The following FBXO10 variants were observed in gnomAD, a reference collection of about 807,000 sequenced individuals.
FBXO10 encodes F-box only protein 10.
A neutral mutation model predicts 80.7 loss-of-function variants in FBXO10; 39 were observed. That is an observed-to-expected ratio of 0.48 (90% CI 0.37 to 0.63). The LOEUF (loss-of-function observed/expected upper bound fraction) is 0.63. Ranked by LOEUF, FBXO10 falls within the 30% of genes least tolerant of loss-of-function variation. FBXO10 has a pLI of 0.00. For missense variants in FBXO10, 1,025 were observed against 1,269.0 expected, an observed-to-expected ratio of 0.81 and a Z score of 2.92; for synonymous variants, 449 against 489.6, an observed-to-expected ratio of 0.92 and a Z score of 1.09.
At chr9:37,566,711 T>C (rs910134597) in intron 1 of FBXO10, among the ~76,000 whole-genome samples, 3 of 152,178 alleles carry the variant, frequency 2.0e-5, no homozygotes, top group East Asian at 3.8e-4. Flanking sequence ...TAAAATATTA[T>C]AACCCCAAAG....
chr9:37,537,414 T>C lies in FBXO10; in HGVS notation c.1115A>G (p.Tyr372Cys). ...GEDEDEDQLMYRLSYQVQGPR... is the reference protein window; with the variant it reads ...GEDEDEDQLMCRLSYQVQGPR... ...GCCCTGCACTTGGTAGGATAGTCTG[T>C]ACATCAGCTGGTCCTCATCTTCATC... The change falls in exon 3 of 11, where the codon TAC (tyrosine) becomes TGC (cysteine). Residue 372 changes from tyrosine (Y) to cysteine (C), a missense_variant. Around this residue, in one of 3 missense-constraint regions of FBXO10, gnomAD observed 450 missense variants for 499.4 expected, o/e 0.90. Transcript: ENST00000432825. The C allele has an allele frequency of 1.3e-6, 2 of 1,599,352 alleles. No individual in the cohort carries two copies. The highest frequency in any genetic ancestry group is 1.7e-6 in the Non-Finnish European group (2 of 1,172,628).
chr9:37,530,698 GCCATAGTTATGGCAGCCATGACCTCC>G (rs1821598368), intron 4 of FBXO10, among the ~76,000 whole-genome samples: 1 of 152,010 alleles, frequency 6.6e-6, no homozygotes, highest in Non-Finnish European at 1.5e-5. Context: ...TCATGACCAT[GCCATAGTTATGGCAGCCATGACCTCC>G]CAGACTCAAG....
In FBXO10 at chr9:37,511,707, C is replaced by G. The variant is rs1172046456; in HGVS notation, c.*840G>C. ...ACAGAGTGGGGAGGCTTGGGAGGGT[C>G]AGTAAAGACCAGCGCTCATCCATGA... is the stretch of plus-strand genomic sequence containing the variant. On this transcript the variant is annotated 3_prime_UTR_variant, in exon 11 of 11. Transcript: ENST00000432825. 6.6e-6 allele frequency: 1 copy of G among 152,668 alleles called. No homozygotes were observed. The highest frequency in any genetic ancestry group is 2.4e-5 in the African/African-American group (1 of 41,390). 9.5% of individuals were successfully genotyped at this position (152,668 alleles called of 1,614,324 possible).
chr9:37,528,855 C>A (rs62534398), intron 5 of FBXO10, among the ~76,000 whole-genome samples: 2,234 of 152,330 alleles, frequency 0.015, 71 homozygotes, highest in Admixed American at 0.084. Flanking sequence ...TACTTCTGTG[C>A]CCATTTCTCC....
intron 1 of FBXO10, among the ~76,000 whole-genome samples, chr9:37,566,879 T>G (rs1341900247): frequency 6.6e-6 from 1 of 152,172 alleles, no homozygotes; most frequent in Non-Finnish European, 1.5e-5. Flanking sequence ...GCTTTGAAAT[T>G]TGATGACATA....
At chr9:37,564,479 G>A (rs2119185419) in intron 1 of FBXO10, among the ~76,000 whole-genome samples, 1 of 152,240 alleles carries the variant, frequency 6.6e-6, no homozygotes, top group African/African-American at 2.4e-5. Context: ...GCCTGGAAAA[G>A]CTGCAGACAC....
intron 9 of FBXO10, among the ~76,000 whole-genome samples, chr9:37,516,658 A>C (rs1821184479): frequency 2.0e-5 from 3 of 152,178 alleles, no homozygotes; most frequent in African/African-American, 7.2e-5. Flanking sequence ...CCATCAGCCA[A>C]AGAGTGGATA....
rs1470673830 is a variant in FBXO10, at chr9:37,541,577, T to C, written c.192A>G (p.Pro64=). The C allele has an allele frequency of 6.2e-7, 1 of 1,613,820 alleles. No individual in the cohort carries two copies. Among genetic ancestry groups the C allele is most frequent in the South Asian group, 1.1e-5 (1 of 91,036 alleles). The change falls in exon 2 of 11, where the codon CCA becomes CCG. Residue 64 remains proline (P), a synonymous_variant. Coordinates refer to ENST00000432825, the MANE Select transcript of FBXO10 (RefSeq NM_012166.3). ...ECRHPNWPNQ[P]DVEPESWREA... is the part of the protein sequence containing the mutation. ...CTCTCCAAGACTCAGGCTCCACATC[T>C]GGCTGGTTGGGCCAATTGGGATGGC...
chr9:37,512,560 C>G lies in FBXO10; in HGVS notation c.2858G>C (p.Cys953Ser). The G allele has an allele frequency of 6.2e-7, 1 of 1,613,652 alleles. No homozygotes were observed. Among genetic ancestry groups the G allele is most frequent in the Non-Finnish European group, 8.5e-7 (1 of 1,179,688 alleles). The change falls in exon 11 of 11, where the codon TGC (cysteine) becomes TCC (serine). Residue 953 changes from cysteine to serine, a missense_variant. Coordinates refer to ENST00000432825, the MANE Select transcript of FBXO10 (RefSeq NM_012166.3). ...AGGTCTGTGTCCTCACAGGATGGTG[C>G]AGAAGACACTGCGGTTGCTGTGGTA... ...GGYHSNRSVFCTIL is the reference protein window; with the variant it reads ...GGYHSNRSVFSTIL
At chr9:37,529,290 C>G (rs1821556930) in intron 4 of FBXO10, 30 bp from the exon 5 acceptor site, 2 of 1,584,552 alleles carry the variant, frequency 1.3e-6, no homozygotes, top group Non-Finnish European at 1.7e-6. Context: ...ACCACAGAAG[C>G]CAGATCAGAC....
chr9:37,575,360 A>G (rs1822867096), intron 1 of FBXO10, among the ~76,000 whole-genome samples: 1 of 152,192 alleles, frequency 6.6e-6, no homozygotes, highest in African/African-American at 2.4e-5. Context: ...AAAATATAGA[A>G]ACAAATGTGA....
intron 8 of FBXO10, among the ~76,000 whole-genome samples, chr9:37,519,266 G>A (rs566583884): frequency 7.2e-4 from 110 of 152,290 alleles, no homozygotes; most frequent in African/African-American, 2.2e-3. Context: ...CTTACTAAGC[G>A]AGTAATATGT....
intron 1 of FBXO10, among the ~76,000 whole-genome samples, chr9:37,558,643 C>T (rs940469086): frequency 1.3e-5 from 2 of 151,956 alleles, no homozygotes; most frequent in Admixed American, 6.6e-5. Context: ...TTTAAGTAAA[C>T]GAATAATCAG....
At chr9:37,545,903 T>C (rs917841623) in intron 1 of FBXO10, among the ~76,000 whole-genome samples, 1 of 152,106 alleles carries the variant, frequency 6.6e-6, no homozygotes, top group Non-Finnish European at 1.5e-5. Flanking sequence ...TCCCAGCACT[T>C]TGGGAGGCGG....
intron 1 of FBXO10, among the ~76,000 whole-genome samples, chr9:37,571,915 G>GT (rs1461707243): frequency 6.6e-6 from 1 of 151,416 alleles, no homozygotes; most frequent in Non-Finnish European, 1.5e-5. Context: ...TGGGAGAATA[G>GT]TTTGAGTCCA....
At chr9:37,527,478 T>C (rs1821506368) in intron 5 of FBXO10, among the ~76,000 whole-genome samples, 1 of 152,214 alleles carries the variant, frequency 6.6e-6, no homozygotes, top group South Asian at 2.1e-4. Flanking sequence ...AGACATACCC[T>C]GAATTTCACT....
intron 3 of FBXO10, among the ~76,000 whole-genome samples, chr9:37,534,195 A>C (rs1821697840): frequency 6.6e-6 from 1 of 152,144 alleles, no homozygotes; most frequent in African/African-American, 2.4e-5. Context: ...TGTACTACTA[A>C]TAATATATTG....
At chr9:37,570,585 G>A (rs1427072518) in intron 1 of FBXO10, among the ~76,000 whole-genome samples, 1 of 151,920 alleles carries the variant, frequency 6.6e-6, no homozygotes, top group Non-Finnish European at 1.5e-5. Flanking sequence ...GATAAGAGCA[G>A]GTTCTCTGAA....
At chr9:37,516,601 T>C (rs1433352408) in intron 9 of FBXO10, among the ~76,000 whole-genome samples, 2 of 152,202 alleles carry the variant, frequency 1.3e-5, no homozygotes, top group Admixed American at 6.5e-5. Context: ...CGCATATTGA[T>C]AGCAGGACAA....
Sources: allele counts gnomAD v4.1 joint callset (sites outside exome capture counted in the v4.1 genomes callset), GRCh38; gene constraint gnomAD v4.1.1; regional missense constraint gnomAD v4.1.1; transcripts MANE v1.5; gene names NCBI Gene and HGNC (gene_info 2026-07-23, HGNC 2026-07-21).